Variants in BTF3 observed in about 807,000 individuals in gnomAD.
The protein encoded by BTF3 is transcription factor BTF3.
BTF3 carries 12 observed loss-of-function variants against 23.9 expected under a neutral mutation model. The observed-to-expected ratio is 0.50, with a 90% confidence interval of 0.32 to 0.81. The LOEUF (loss-of-function observed/expected upper bound fraction) is 0.81. BTF3 is among the 40% of genes least tolerant of loss of function. BTF3 has a pLI of 0.03. For missense variants in BTF3, 215 were observed against 255.9 expected, an observed-to-expected ratio of 0.84 and a Z score of 1.09; for synonymous variants, 96 against 94.8, an observed-to-expected ratio of 1.01 and a Z score of -0.07.
intron 2 of BTF3, among the ~76,000 whole-genome samples, 184 bp from the exon 3 acceptor site, chr5:73,502,304 T>C (rs1199276029): frequency 2.0e-5 from 3 of 152,228 alleles, no homozygotes; most frequent in Non-Finnish European, 4.4e-5. Flanking sequence ...GATCATTCTT[T>C]TCCTTTCCCA....
chr5:73,504,251 T>A, intron 4 of BTF3, 96 bp from the exon 5 acceptor site: 1 of 837,076 alleles, frequency 1.2e-6, no homozygotes, highest in Non-Finnish European at 1.8e-6. Context: ...TAACAACACT[T>A]GGCATTTCAT....
Position 73,499,115 on chromosome 5 carries a change from G to T in BTF3, c.133-19G>T. On this transcript the variant is annotated intron_variant, in intron 1 of 5. Coordinates refer to ENST00000380591, the MANE Select transcript of BTF3 (RefSeq NM_001037637.2). ...AGTGAGCTAAACCTATCCTTGCTGA[G>T]GATTTCCTCTTTTTCTAGATGAAAG... 6.2e-7 allele frequency: 1 copy of T among 1,604,442 alleles called. No homozygotes were observed.
chr5:73,505,027 C>T (rs2111965978), intron 5 of BTF3, among the ~76,000 whole-genome samples, 165 bp from the exon 6 acceptor site: 1 of 115,314 alleles, frequency 8.7e-6, no homozygotes, highest in South Asian at 3.4e-4. Context: ...AAGAGGGGGG[C>T]ATTTTTTTCA....
intron 4 of BTF3, 64 bp from the exon 5 acceptor site, chr5:73,504,267 CTTTTTTTTTTTTTTTT>C: frequency 1.6e-5 from 2 of 122,774 alleles, no homozygotes; most frequent in East Asian, 2.9e-4. Context: ...TTCATCTGTT[CTTTTTTTTTTTTTTTT>C]TTTTTTTTTG....
At chr5:73,504,989 C>T (rs1485187643) in intron 5 of BTF3, among the ~76,000 whole-genome samples, 2 of 134,938 alleles carry the variant, frequency 1.5e-5, no homozygotes, top group Admixed American at 1.4e-4. Context: ...GTTCTGCTCC[C>T]CCACTATTGA....
rs1561253408 is a variant in BTF3, at chr5:73,498,826, C to CGGGCCGGGCAGGCCCTGGCTAGGCCG, written c.132+28_132+53dup. The stretch of plus-strand genomic sequence containing the variant: ...TACCGCGAGGCTTGCGGAGAGTGGC[C>CGGGCCGGGCAGGCCCTGGCTAGGCCG]GGGCCGGGCAGGCCCTGGCTAGGCC... On this transcript the variant is annotated intron_variant, in intron 1 of 5. Transcript: ENST00000380591. The CGGGCCGGGCAGGCCCTGGCTAGGCCG allele has an allele frequency of 6.2e-5, 93 of 1,489,044 alleles. 1 individual carries two copies. In the South Asian group the frequency reaches 1.1e-3, roughly 18 times the overall value. The allele number at this position is 1,489,044 out of a possible 1,614,324, so 92.2% of individuals were successfully genotyped here.
intron 2 of BTF3, 98 bp from the exon 3 acceptor site, chr5:73,502,390 A>G (rs1746457972): frequency 2.3e-6 from 2 of 875,592 alleles, no homozygotes; most frequent in Non-Finnish European, 1.7e-6. Flanking sequence ...TCTTATACAG[A>G]TCCAAAGGTC....
chr5:73,499,086 C>T, intron 1 of BTF3, 48 bp from the exon 2 acceptor site: 2 of 1,549,964 alleles, frequency 1.3e-6, no homozygotes, highest in Non-Finnish European at 1.8e-6. Flanking sequence ...GCATGGAATG[C>T]TAGAGTGAGC....
rs1313803299 is a variant in BTF3 at position 73,499,034 on chromosome 5, G to A, written c.133-100G>A. The A allele has an allele frequency of 1.2e-5, 17 of 1,370,676 alleles. No homozygotes were observed. The East Asian group carries it at 2.4e-4, about 20-fold the overall frequency. 84.9% of individuals were successfully genotyped at this position (1,370,676 alleles called of 1,614,324 possible). A position where few individuals can be genotyped will look rare whatever the true frequency, so the allele number is the denominator to read the frequency against. On this transcript the variant is annotated intron_variant, in intron 1 of 5. Transcript: ENST00000380591. ...ATTTGGGATCCAGGTTTCGGCCTGT[G>A]TAGGACGTTTATTTTCCTGCTGGTA...
Position 73,498,970 on chromosome 5 carries a change from G to A in BTF3, c.133-164G>A, listed in dbSNP as rs146342908. ...GTGGTGGGGAGGCGGGTGCTCTTTG[G>A]GCTCCCTGGAAACCCAAATTTGGAG... On this transcript the variant is annotated intron_variant, in intron 1 of 5. Transcript: ENST00000380591. Among the ~76,000 whole-genome samples the A allele has an allele frequency of 1.2e-3, 179 of 152,176 alleles. 1 individual carries two copies. The East Asian group carries it at 0.031, about 27-fold the overall frequency.
Position 73,498,483 on chromosome 5 carries a change from A to G in BTF3, c.-185A>G. 1.3e-6 allele frequency: 1 copy of G among 766,492 alleles called. No individual in the cohort carries two copies. 47.5% of individuals were successfully genotyped at this position (766,492 alleles called of 1,614,324 possible). A position where few individuals can be genotyped will look rare whatever the true frequency, so the allele number is the denominator to read the frequency against. On this transcript the variant is annotated 5_prime_UTR_variant, in exon 1 of 6. Transcript: ENST00000380591. ...TTGCGTCCCCGCGTGTGTGCGCCTA[A>G]TCTCAGGTGGTCCACCCGAGACCCC...
intron 2 of BTF3, among the ~76,000 whole-genome samples, 165 bp from the exon 3 acceptor site, chr5:73,502,323 T>TTCTA (rs1270216975): frequency 1.3e-5 from 2 of 152,342 alleles, no homozygotes; most frequent in East Asian, 3.9e-4. Context: ...CATTTTTTGC[T>TTCTA]TCTATCTTCG....
At chr5:73,500,798 TG>T (rs1238949584) in intron 2 of BTF3, among the ~76,000 whole-genome samples, 1 of 152,194 alleles carries the variant, frequency 6.6e-6, no homozygotes, top group Non-Finnish European at 1.5e-5. Context: ...GAAAGTATGC[TG>T]GGTTTGTCTT....
intron 4 of BTF3, 67 bp from the exon 5 acceptor site, chr5:73,504,280 T>G: frequency 2.9e-6 from 2 of 681,218 alleles, no homozygotes; most frequent in Admixed American, 8.4e-5. Context: ...TTTTTTTTTT[T>G]TTTTTTTTTT....
In BTF3 at chr5:73,504,363, A is replaced by G. The variant is rs200903571; in HGVS notation, c.534A>G (p.Ala178=). Residue 178 remains alanine (A), a synonymous_variant, in exon 5 of 6, where the codon GCA becomes GCG. Transcript: ENST00000380591. The part of the protein sequence containing the change: ...ALPKQSVDGK[A]PLATGEDDDD... ...CTTTCATAGCTGTGGATGGAAAAGCACCACTTGCTACTGGAGAGGATGATG... is the reference window on the plus strand; with the variant it reads ...CTTTCATAGCTGTGGATGGAAAAGCGCCACTTGCTACTGGAGAGGATGATG... 176 of 1,586,292 alleles carry G rather than the reference A, an allele frequency of 1.1e-4. No individual in the cohort carries two copies. Among genetic ancestry groups the G allele is most frequent in the Non-Finnish European group, 1.4e-4 (167 of 1,167,322 alleles).
intron 1 of BTF3, 53 bp downstream of exon 1, chr5:73,498,852 G>T (rs546479065): frequency 2.7e-6 from 4 of 1,494,980 alleles, no homozygotes; most frequent in Non-Finnish European, 2.6e-6. Context: ...TGGCTAGGCC[G>T]AGGCCAGGCC....
chr5:73,499,241 A>G (rs746975751), intron 2 of BTF3, 39 bp downstream of exon 2: 32 of 1,506,574 alleles, frequency 2.1e-5, no homozygotes, highest in Non-Finnish European at 2.1e-5. Context: ...TTTTTTTTTT[A>G]AGGTTTAGGT....
At chr5:73,498,915 G>A (rs994297154) in intron 1 of BTF3, 116 bp downstream of exon 1, 2 of 1,423,710 alleles carry the variant, frequency 1.4e-6, no homozygotes, top group Admixed American at 2.8e-5. Context: ...CTTTCATCCG[G>A]GCCTGCCAAG....
intron 1 of BTF3, 84 bp from the exon 2 acceptor site, chr5:73,499,050 C>T: frequency 1.4e-6 from 2 of 1,420,922 alleles, no homozygotes; most frequent in South Asian, 1.3e-5. Flanking sequence ...CGTTTATTTT[C>T]CTGCTGGTAT....
Sources: allele counts gnomAD v4.1 joint callset (sites outside exome capture counted in the v4.1 genomes callset), GRCh38; gene constraint gnomAD v4.1.1; transcripts MANE v1.5; gene names NCBI Gene and HGNC (gene_info 2026-07-23, HGNC 2026-07-21).